The following KIAA0825 variants were observed in gnomAD, a reference collection of about 807,000 sequenced individuals.
KIAA0825 encodes KIAA0825.
KIAA0825 carries 119 observed loss-of-function variants against 147.6 expected under a neutral mutation model. The ratio of observed to expected loss-of-function variants is 0.81; its 90% CI spans 0.69 to 0.94. The LOEUF (loss-of-function observed/expected upper bound fraction) is 0.94. Among genes scored for constraint, KIAA0825 ranks in the 40% least tolerant of loss-of-function variants. KIAA0825 has a pLI of 0.00. For synonymous variants in KIAA0825, 470 were observed against 518.1 expected, an observed-to-expected ratio of 0.91 and a Z score of 1.26; for missense variants, 1,381 against 1,472.7, an observed-to-expected ratio of 0.94 and a Z score of 1.02.
intron 1 of KIAA0825, chr5:94,593,462 AAAG>A: frequency 4.3e-6 from 3 of 699,326 alleles, no homozygotes; most frequent in Non-Finnish European, 7.9e-6. Flanking sequence ...AACGTTGCAA[AAAG>A]AATGGTACAG....
At chr5:94,212,427 A>G (rs1772796636) in intron 20 of KIAA0825, among the ~76,000 whole-genome samples, 1 of 152,214 alleles carries the variant, frequency 6.6e-6, no homozygotes, top group Non-Finnish European at 1.5e-5. Context: ...AACTTCATCA[A>G]GAAACGTGAA....
At chr5:94,250,603 C>A (rs1294504999) in intron 20 of KIAA0825, among the ~76,000 whole-genome samples, 2 of 152,092 alleles carry the variant, frequency 1.3e-5, no homozygotes, top group Admixed American at 1.3e-4. Flanking sequence ...ATTACAAAGC[C>A]TCCTGCAACA....
intron 15 of KIAA0825, among the ~76,000 whole-genome samples, chr5:94,404,374 C>T (rs1751777224): frequency 6.6e-6 from 1 of 151,936 alleles, no homozygotes; most frequent in South Asian, 2.1e-4. Context: ...TAATTAAAAG[C>T]TGTACTCTAT....
chr5:94,220,782 A>C (rs1211319274), intron 20 of KIAA0825, among the ~76,000 whole-genome samples: 1 of 152,232 alleles, frequency 6.6e-6, no homozygotes, highest in Non-Finnish European at 1.5e-5. Flanking sequence ...CTGTGATAAC[A>C]CTTGATCTGG....
intron 20 of KIAA0825, among the ~76,000 whole-genome samples, chr5:94,260,650 G>C (rs1470533536): frequency 6.6e-6 from 1 of 152,032 alleles, no homozygotes. Context: ...AGTTAATTTG[G>C]TCTCTGCTGC....
At chr5:94,202,752 A>G (rs910297922) in intron 20 of KIAA0825, among the ~76,000 whole-genome samples, 4 of 152,184 alleles carry the variant, frequency 2.6e-5, no homozygotes, top group Admixed American at 6.5e-5. Context: ...CTCTGCTGCA[A>G]ATGGCATAGC....
rs186821425 is a variant in KIAA0825 at position 94,543,800 on chromosome 5, T to C, written c.-1-6673A>G. Among the ~76,000 whole-genome samples the C allele has an allele frequency of 5.9e-4, 90 of 152,316 alleles. 1 individual carries two copies. The highest frequency in any genetic ancestry group is 2.1e-3 in the African/African-American group (86 of 41,558). On this transcript the variant is annotated intron_variant, in intron 2 of 20. Transcript: ENST00000682413. ...CAGCCAAAATCCATCAAAACCAAGA[T>C]GGCCACAAGAGTGACCCCGGTCATC...
At chr5:94,336,660 A>G (rs1450269239) in intron 20 of KIAA0825, among the ~76,000 whole-genome samples, 1 of 152,072 alleles carries the variant, frequency 6.6e-6, no homozygotes, top group Non-Finnish European at 1.5e-5. Flanking sequence ...CTAGTCTATC[A>G]TTGATGGACA....
chr5:94,410,316 A>G (rs1461617059), intron 15 of KIAA0825, among the ~76,000 whole-genome samples: 2 of 152,168 alleles, frequency 1.3e-5, no homozygotes, highest in Admixed American at 1.3e-4. Flanking sequence ...AGAAGAATAC[A>G]GCCTCACTGA....
chr5:94,505,259 G>C (rs1379774775), intron 5 of KIAA0825, among the ~76,000 whole-genome samples: 1 of 151,732 alleles, frequency 6.6e-6, no homozygotes, highest in Admixed American at 6.6e-5. Context: ...TACTGGGGAG[G>C]CTGAGGCATG....
At chr5:94,517,598 T>C (rs2151195209) in intron 5 of KIAA0825, among the ~76,000 whole-genome samples, 1 of 151,948 alleles carries the variant, frequency 6.6e-6, no homozygotes, top group East Asian at 1.9e-4. Context: ...AAGACTACAG[T>C]ATACATACAA....
At chr5:94,540,411 CTT>C (rs1297986530) in intron 2 of KIAA0825, among the ~76,000 whole-genome samples, 2 of 152,324 alleles carry the variant, frequency 1.3e-5, no homozygotes, top group East Asian at 1.9e-4. Flanking sequence ...AGGTTTCCCT[CTT>C]GTCTTGTATG....
rs370991571 is a variant in KIAA0825 at position 94,247,160 on chromosome 5, TAG to T, written c.3711-93038_3711-93037del. On this transcript the variant is annotated intron_variant, in intron 20 of 20. Coordinates refer to ENST00000682413, the MANE Select transcript of KIAA0825 (RefSeq NM_001145678.3). ...CCATAGCAGCTGAAATTCCCACTAT[TAG>T]AGAGTTGCTTCTTTGGGAACTTTGT... is the stretch of plus-strand genomic sequence containing the variant. 1.4e-3 allele frequency among the ~76,000 whole-genome samples: 213 copies of T among 152,284 alleles called. 8 individuals carry two copies. In the South Asian group the frequency reaches 0.042, roughly 30 times the overall value.
intron 2 of KIAA0825, among the ~76,000 whole-genome samples, chr5:94,541,554 G>C (rs1773312167): frequency 6.6e-6 from 1 of 152,190 alleles, no homozygotes; most frequent in South Asian, 2.1e-4. Context: ...AAAATTCTGT[G>C]TGTGAACATG....
intron 20 of KIAA0825, among the ~76,000 whole-genome samples, chr5:94,277,628 G>A (rs1402815473): frequency 6.6e-6 from 1 of 152,170 alleles, no homozygotes; most frequent in Non-Finnish European, 1.5e-5. Context: ...AGAGGATGTG[G>A]AGAAATAGGA....
intron 20 of KIAA0825, among the ~76,000 whole-genome samples, chr5:94,262,901 A>G (rs1008351797): frequency 6.6e-6 from 1 of 152,076 alleles, no homozygotes; most frequent in Admixed American, 6.6e-5. Context: ...GTGCCCCTCA[A>G]AGGGAGACAC....
chr5:94,367,353 G>T (rs1397360837), intron 20 of KIAA0825, among the ~76,000 whole-genome samples: 1 of 151,912 alleles, frequency 6.6e-6, no homozygotes. Context: ...AAAAAATTAG[G>T]CAGACGTGGT....
intron 20 of KIAA0825, among the ~76,000 whole-genome samples, chr5:94,228,340 C>T (rs1433406259): frequency 6.6e-6 from 1 of 152,198 alleles, no homozygotes; most frequent in Non-Finnish European, 1.5e-5. Flanking sequence ...CTGATATTTA[C>T]CTCCATTTTT....
chr5:94,601,099 C>A (rs1006893464), intron 1 of KIAA0825, among the ~76,000 whole-genome samples: 3 of 152,100 alleles, frequency 2.0e-5, no homozygotes, highest in Admixed American at 6.5e-5. Flanking sequence ...AGAGCAGATC[C>A]CCATGATCCT....
Sources: allele counts gnomAD v4.1 joint callset (sites outside exome capture counted in the v4.1 genomes callset), GRCh38; gene constraint gnomAD v4.1.1; transcripts MANE v1.5; gene names NCBI Gene and HGNC (gene_info 2026-07-23, HGNC 2026-07-21).